CSMD1: variants seen among roughly 807,000 people sequenced by gnomAD.
CSMD1 encodes the protein CUB and Sushi multiple domains 1.
A neutral mutation model predicts 417.5 loss-of-function variants in CSMD1; 213 were observed. That is an observed-to-expected ratio of 0.51 (90% CI 0.46 to 0.57). CSMD1 has a LOEUF of 0.57. Among genes scored for constraint, CSMD1 ranks in the 20% least tolerant of loss-of-function variants. CSMD1 has a pLI of 0.00. For missense variants in CSMD1, 6,923 were observed against 4,529.7 expected (o/e 1.53, Z -15.17); for synonymous variants, 2,862 against 1,736.8 (o/e 1.65, Z -16.11).
intron 1 of CSMD1, among the ~76,000 whole-genome samples, chr8:4,959,656 G>T (rs1043638568): frequency 6.6e-6 from 1 of 152,182 alleles, no homozygotes; most frequent in Non-Finnish European, 1.5e-5. Flanking sequence ...TCTTCTCAGC[G>T]TATTATCTAG....
chr8:4,966,948 A>C (rs1350475233), intron 1 of CSMD1, among the ~76,000 whole-genome samples: 1 of 152,220 alleles, frequency 6.6e-6, no homozygotes, highest in African/African-American at 2.4e-5. Context: ...AATTCCTTAG[A>C]GAACGTTTGC....
intron 3 of CSMD1, among the ~76,000 whole-genome samples, chr8:4,238,964 C>G (rs1563320616): frequency 6.6e-6 from 1 of 152,168 alleles, no homozygotes; most frequent in Non-Finnish European, 1.5e-5. Context: ...AGAGAGTAGA[C>G]AGCCCAGAGT....
intron 26 of CSMD1, among the ~76,000 whole-genome samples, chr8:3,262,070 A>T (rs1801106970): frequency 6.6e-6 from 1 of 151,674 alleles, no homozygotes; most frequent in Non-Finnish European, 1.5e-5. Flanking sequence ...ATTACCCCAA[A>T]GTAAAACAAG....
At chr8:3,576,190 G>T (rs1017471533) in intron 9 of CSMD1, among the ~76,000 whole-genome samples, 1 of 151,862 alleles carries the variant, frequency 6.6e-6, no homozygotes, top group Non-Finnish European at 1.5e-5. Context: ...ACTTTGTGGG[G>T]GGACAAGAAT....
chr8:3,678,250 G>A (rs556612332), intron 7 of CSMD1, among the ~76,000 whole-genome samples: 1 of 152,164 alleles, frequency 6.6e-6, no homozygotes. Context: ...AGCTAAAGGA[G>A]GAAGTTCGAA....
At chr8:4,875,889 T>A (rs191573781) in intron 1 of CSMD1, among the ~76,000 whole-genome samples, 4 of 152,206 alleles carry the variant, frequency 2.6e-5, no homozygotes, top group Admixed American at 2.6e-4. Context: ...ATTTAGTGAA[T>A]ATTTAATTAC....
At chr8:4,174,453 T>C (rs761548104) in intron 3 of CSMD1, among the ~76,000 whole-genome samples, 41 of 151,962 alleles carry the variant, frequency 2.7e-4, no homozygotes, top group Admixed American at 9.2e-4. Flanking sequence ...GGTTTTTCTA[T>C]TGTTTAAATA....
intron 3 of CSMD1, among the ~76,000 whole-genome samples, chr8:4,171,558 A>G (rs1321047753): frequency 6.6e-6 from 1 of 151,726 alleles, no homozygotes; most frequent in African/African-American, 2.4e-5. Flanking sequence ...TAACTACTGG[A>G]TATGGAGTGA....
At chr8:3,995,160 T>C (rs1198781533) in intron 5 of CSMD1, among the ~76,000 whole-genome samples, 2 of 152,218 alleles carry the variant, frequency 1.3e-5, no homozygotes, top group African/African-American at 2.4e-5. Flanking sequence ...ATATTATGCA[T>C]TTGTATAGGC....
intron 7 of CSMD1, among the ~76,000 whole-genome samples, chr8:3,677,537 G>T (rs1339649249): frequency 2.0e-5 from 3 of 152,128 alleles, no homozygotes; most frequent in Non-Finnish European, 1.5e-5. Flanking sequence ...GGGTGGCTGG[G>T]CTCAGCGAGA....
chr8:4,622,489 A>C (rs1416905570), intron 2 of CSMD1, among the ~76,000 whole-genome samples: 2 of 152,178 alleles, frequency 1.3e-5, no homozygotes, highest in African/African-American at 2.4e-5. Context: ...AATCAGAAGC[A>C]GAAATTAGTA....
intron 39 of CSMD1, among the ~76,000 whole-genome samples, chr8:3,155,092 T>C (rs1262019580): frequency 6.7e-6 from 1 of 150,018 alleles, no homozygotes; most frequent in African/African-American, 2.5e-5. Flanking sequence ...GAGAAAAGCC[T>C]ATTATATTTT....
At chr8:3,217,528 A>G (rs1184257415) in intron 29 of CSMD1, among the ~76,000 whole-genome samples, 1 of 151,930 alleles carries the variant, frequency 6.6e-6, no homozygotes, top group Non-Finnish European at 1.5e-5. Context: ...TGCCTGCATG[A>G]TTTTGTTGGG....
At position 3,837,114 on chromosome 8, in the gene CSMD1, G is replaced by C. The variant is rs533593693; in HGVS notation, c.819-83072C>G. On this transcript the variant is annotated intron_variant, in intron 5 of 69. Coordinates refer to ENST00000635120, the MANE Select transcript of CSMD1 (RefSeq NM_033225.6). ...CTACCATTGAGTAGATTACCATTCA[G>C]TATTAAATGCAAAAATTGAAAGTGT... 4.4e-4 allele frequency among the ~76,000 whole-genome samples: 65 copies of C among 148,544 alleles called. 1 individual carries two copies. The Middle Eastern group carries it at 0.021, about 48-fold the overall frequency.
At chr8:3,928,788 C>T (rs1809932580) in intron 5 of CSMD1, among the ~76,000 whole-genome samples, 1 of 144,018 alleles carries the variant, frequency 6.9e-6, no homozygotes, top group Non-Finnish European at 1.5e-5. Context: ...CCCCGCCCAC[C>T]CCCGGGCCAG....
At chr8:3,455,366 C>G (rs1585190577) in intron 12 of CSMD1, among the ~76,000 whole-genome samples, 1 of 152,312 alleles carries the variant, frequency 6.6e-6, no homozygotes, top group East Asian at 1.9e-4. Flanking sequence ...GAGCTGCTTT[C>G]CTTTGGAGGA....
At chr8:4,192,244 G>T (rs191459435) in intron 3 of CSMD1, among the ~76,000 whole-genome samples, 2 of 152,118 alleles carry the variant, frequency 1.3e-5, no homozygotes, top group African/African-American at 2.4e-5. Context: ...AATATAGTTC[G>T]TTAGGATTAT....
intron 3 of CSMD1, among the ~76,000 whole-genome samples, chr8:4,395,200 A>G (rs531200831): frequency 6.6e-6 from 1 of 152,270 alleles, no homozygotes; most frequent in East Asian, 1.9e-4. Flanking sequence ...GAGATGAGAG[A>G]ACATCAGACA....
chr8:3,392,331 C>A (rs1013881270), intron 17 of CSMD1, among the ~76,000 whole-genome samples: 1 of 151,992 alleles, frequency 6.6e-6, no homozygotes. Context: ...CACAGGCAAC[C>A]CACTTTCAAA....
Sources: allele counts gnomAD v4.1 joint callset (sites outside exome capture counted in the v4.1 genomes callset), GRCh38; gene constraint gnomAD v4.1.1; transcripts MANE v1.5; gene names NCBI Gene and HGNC (gene_info 2026-07-23, HGNC 2026-07-21).